SCFD1: variants seen among roughly 807,000 people sequenced by gnomAD.
SCFD1 encodes the protein sec1 family domain-containing protein 1.
In SCFD1, 37 loss-of-function variants were observed where a neutral mutation model predicts 103.2. The ratio of observed to expected loss-of-function variants is 0.36; its 90% CI spans 0.28 to 0.47. The LOEUF is 0.47. SCFD1 is among the 20% of genes least tolerant of loss of function. The pLI is 1.00. For synonymous variants in SCFD1, 264 were observed against 245.0 expected (o/e 1.08, Z -0.73); for missense variants, 639 against 761.2 (o/e 0.84, Z 1.89).
chr14:30,670,213 G>T, intron 10 of SCFD1, 43 bp from the exon 11 acceptor site: 1 of 1,473,496 alleles, frequency 6.8e-7, no homozygotes, highest in Non-Finnish European at 9.2e-7. Context: ...ATTTTTATTA[G>T]ACTTAGAAAA....
At chr14:30,711,184 C>T (rs1326775146) in intron 19 of SCFD1, among the ~76,000 whole-genome samples, 1 of 152,160 alleles carries the variant, frequency 6.6e-6, no homozygotes, top group Admixed American at 6.5e-5. Context: ...AAAATAATCC[C>T]TCCTTTAAAA....
At chr14:30,657,426 A>C (rs1383380853) in intron 10 of SCFD1, among the ~76,000 whole-genome samples, 2 of 152,160 alleles carry the variant, frequency 1.3e-5, no homozygotes, top group Admixed American at 1.3e-4. Context: ...AGGACTATGA[A>C]ATGTGTTTTT....
chr14:30,696,271 T>C (rs1890692878), intron 15 of SCFD1, among the ~76,000 whole-genome samples: 2 of 152,230 alleles, frequency 1.3e-5, no homozygotes, highest in Admixed American at 1.3e-4. Flanking sequence ...AAGCTAGATT[T>C]GTGGTGAGAA....
intron 10 of SCFD1, among the ~76,000 whole-genome samples, chr14:30,655,129 A>G (rs931334402): frequency 1.3e-4 from 20 of 152,246 alleles, no homozygotes; most frequent in Non-Finnish European, 2.4e-4. Flanking sequence ...CAGAAGGTGG[A>G]AGATACCCTG....
At chr14:30,696,986 T>C (rs1038721257) in intron 15 of SCFD1, among the ~76,000 whole-genome samples, 6 of 152,234 alleles carry the variant, frequency 3.9e-5, no homozygotes, top group Admixed American at 3.3e-4. Context: ...TAGTGTTGGA[T>C]TGGAATTAGA....
At chr14:30,647,060 A>G (rs1382526472) in intron 7 of SCFD1, among the ~76,000 whole-genome samples, 4 of 152,146 alleles carry the variant, frequency 2.6e-5, no homozygotes, top group African/African-American at 9.7e-5. Context: ...TCAAAGAAAC[A>G]ACTTCTGGTT....
Position 30,700,360 on chromosome 14 carries a change from T to G in SCFD1, c.1410+102T>G, listed in dbSNP as rs576510587. The G allele has an allele frequency of 2.7e-5, 22 of 811,586 alleles. No homozygotes were observed. In the Admixed American group the frequency reaches 4.7e-4, roughly 17 times the overall value. The allele number at this position is 811,586 out of a possible 1,614,324, so 50.3% of individuals were successfully genotyped here. A position where few individuals can be genotyped will look rare whatever the true frequency, so the allele number is the denominator to read the frequency against. The stretch of plus-strand genomic sequence containing the variant: ...AAGTAAAAATCACTGTGGCTAAATA[T>G]CTGCTTCATTTCTTTCTTTAAAAGA... On this transcript the variant is annotated intron_variant, in intron 16 of 24. Coordinates refer to ENST00000458591, the MANE Select transcript of SCFD1 (RefSeq NM_016106.4).
Position 30,639,834 on chromosome 14 carries a change from A to G in SCFD1, c.493A>G (p.Asn165Asp). The G allele has an allele frequency of 4.4e-6, 7 of 1,581,212 alleles. No homozygotes were observed. Among genetic ancestry groups the G allele is most frequent in the Non-Finnish European group, 6.0e-6 (7 of 1,164,366 alleles). ...GGAAGATGATATGTTTGTATTATGT[A>G]ATCAAAATAAGGAGCTTGTTTCATA... is the stretch of plus-strand genomic sequence containing the variant. ...TLEDDMFVLC[N>D]QNKELVSYRA... The change falls in exon 6 of 25, where the codon AAT (asparagine) becomes GAT (aspartate). Residue 165 changes from asparagine (N) to aspartate (D), a missense_variant. Coordinates refer to ENST00000458591, the MANE Select transcript of SCFD1 (RefSeq NM_016106.4).
intron 14 of SCFD1, chr14:30,676,122 T>C (rs1337976849): frequency 6.6e-6 from 1 of 152,168 alleles, no homozygotes; most frequent in African/African-American, 2.4e-5. Context: ...GTGGAGGTGA[T>C]ACAGATACAG....
At chr14:30,655,686 A>C (rs1181233466) in intron 10 of SCFD1, among the ~76,000 whole-genome samples, 2 of 152,172 alleles carry the variant, frequency 1.3e-5, no homozygotes, top group African/African-American at 4.8e-5. Context: ...CTGATAAGTT[A>C]GATGTGGGAG....
At chr14:30,697,095 C>G (rs1890755683) in intron 15 of SCFD1, among the ~76,000 whole-genome samples, 2 of 151,974 alleles carry the variant, frequency 1.3e-5, no homozygotes, top group Admixed American at 1.3e-4. Flanking sequence ...CTCATGTATT[C>G]CGTAACTCTG....
intron 10 of SCFD1, among the ~76,000 whole-genome samples, chr14:30,662,095 G>A (rs1330046245): frequency 6.6e-6 from 1 of 152,088 alleles, no homozygotes; most frequent in African/African-American, 2.4e-5. Context: ...TTTACAGGAG[G>A]AATATTTGCC....
intron 14 of SCFD1, among the ~76,000 whole-genome samples, chr14:30,691,059 C>T (rs988103019): frequency 2.0e-5 from 3 of 152,128 alleles, no homozygotes; most frequent in East Asian, 1.9e-4. Flanking sequence ...GAGAAAAGGC[C>T]TATAGAAGGA....
At chr14:30,691,379 T>A (rs1034259452) in intron 14 of SCFD1, among the ~76,000 whole-genome samples, 6 of 152,226 alleles carry the variant, frequency 3.9e-5, no homozygotes, top group African/African-American at 7.2e-5. Flanking sequence ...TAGGGTTCTG[T>A]AGAAGATTTG....
In SCFD1 at chr14:30,625,314, A is replaced by G. The variant is rs897202155; in HGVS notation, c.62-2895A>G. Reference sequence around the variant, plus strand: ...TCCCTTATCCAAAATGCTTGCGACCAGGAGTGTTTTTGATTTTGGAATATT... The same window carrying G: ...TCCCTTATCCAAAATGCTTGCGACCGGGAGTGTTTTTGATTTTGGAATATT... On this transcript the variant is annotated intron_variant, in intron 1 of 24. Transcript: ENST00000458591. Among the ~76,000 whole-genome samples the G allele has an allele frequency of 2.6e-5, 4 of 152,264 alleles. No individual in the cohort carries two copies. In the East Asian group the frequency reaches 7.7e-4, roughly 29 times the overall value.
chr14:30,632,147 G>A (rs546749539), intron 3 of SCFD1, among the ~76,000 whole-genome samples: 20 of 150,222 alleles, frequency 1.3e-4, no homozygotes, highest in Non-Finnish European at 3.0e-4. Context: ...ATTTTATGGT[G>A]TTCTAAGCTA....
At chr14:30,651,483 G>T (rs1281853842) in intron 9 of SCFD1, among the ~76,000 whole-genome samples, 1 of 151,548 alleles carries the variant, frequency 6.6e-6, no homozygotes, top group Admixed American at 6.6e-5. Context: ...ATTTTAAATG[G>T]TTCTATGATT....
chr14:30,640,891 T>C, intron 6 of SCFD1, among the ~76,000 whole-genome samples: 1 of 151,380 alleles, frequency 6.6e-6, no homozygotes, highest in East Asian at 1.9e-4. Context: ...TGAGATTAAT[T>C]ACAAATTTCA....
intron 10 of SCFD1, among the ~76,000 whole-genome samples, chr14:30,667,077 C>G (rs904154906): frequency 3.9e-5 from 6 of 152,276 alleles, no homozygotes; most frequent in Non-Finnish European, 8.8e-5. Flanking sequence ...CATCCTGATA[C>G]CAAAGCCTGG....
Sources: allele counts gnomAD v4.1 joint callset (sites outside exome capture counted in the v4.1 genomes callset), GRCh38; gene constraint gnomAD v4.1.1; transcripts MANE v1.5; gene names NCBI Gene and HGNC (gene_info 2026-07-23, HGNC 2026-07-21).